The following ARID4B variants were observed in gnomAD, a reference collection of about 807,000 sequenced individuals.
ARID4B encodes AT-rich interaction domain 4B.
A neutral mutation model predicts 147.5 loss-of-function variants in ARID4B; 26 were observed. The ratio of observed to expected loss-of-function variants is 0.18; its 90% confidence interval spans 0.13 to 0.24. The LOEUF (loss-of-function observed/expected upper bound fraction) is 0.24. ARID4B is among the 10% of genes least tolerant of loss of function. ARID4B has a pLI of 1.00. For missense variants in ARID4B, 1,179 were observed against 1,511.5 expected (o/e 0.78, Z 3.65); for synonymous variants, 512 against 507.9 (o/e 1.01, Z -0.11).
chr1:235,274,683 T>G (rs1572132192), intron 2 of ARID4B, among the ~76,000 whole-genome samples: 1 of 152,144 alleles, frequency 6.6e-6, no homozygotes, highest in Non-Finnish European at 1.5e-5. Flanking sequence ...GAAGTCCAGT[T>G]TGATATACAC....
intron 4 of ARID4B, among the ~76,000 whole-genome samples, 194 bp from the exon 5 acceptor site, chr1:235,255,944 C>A (rs753551676): frequency 1.3e-5 from 2 of 151,966 alleles, no homozygotes; most frequent in African/African-American, 2.4e-5. Context: ...GGGGCTGAGG[C>A]AGGTGGATCA....
At chr1:235,316,691 C>T (rs1035813453) in intron 2 of ARID4B, among the ~76,000 whole-genome samples, 2 of 151,732 alleles carry the variant, frequency 1.3e-5, no homozygotes, top group African/African-American at 4.8e-5. Context: ...TGGTGGCAGG[C>T]GCCTGTAATC....
At chr1:235,235,243 A>G (rs185467244) in intron 8 of ARID4B, among the ~76,000 whole-genome samples, 1 of 152,240 alleles carries the variant, frequency 6.6e-6, no homozygotes, top group Admixed American at 6.5e-5. Context: ...GGAAGGGATA[A>G]TAAGAGGAGT....
At chr1:235,255,869 T>A (rs1669950370) in intron 4 of ARID4B, 119 bp from the exon 5 acceptor site, 1 of 651,754 alleles carries the variant, frequency 1.5e-6, no homozygotes, top group Admixed American at 3.3e-5. Context: ...ACTATTGACT[T>A]CATTTAAAAG....
rs534880226 is a variant in ARID4B, at chr1:235,261,963, C to G, written c.7-1211G>C. 2.0e-5 allele frequency among the ~76,000 whole-genome samples: 3 copies of G among 152,304 alleles called. No individual in the cohort carries two copies. The South Asian group carries it at 6.2e-4, about 32-fold the overall frequency. On this transcript the variant is annotated intron_variant, in intron 2 of 23. Transcript: ENST00000264183. ...TGAATGAATTACTTCTCTGCCTCAA[C>G]TTTGGAGATTCATAAATGTAAGCTA... is the stretch of plus-strand genomic sequence containing the variant.
chr1:235,278,472 C>T (rs1482480538), intron 2 of ARID4B, among the ~76,000 whole-genome samples: 1 of 152,094 alleles, frequency 6.6e-6, no homozygotes, highest in African/African-American at 2.4e-5. Context: ...AATAGTCTAG[C>T]ATTTCCCTTG....
At position 235,196,015 on chromosome 1, in the gene ARID4B, A is replaced by G; in HGVS notation, c.1926+16T>C. On this transcript the variant is annotated intron_variant, in intron 18 of 23. Transcript: ENST00000264183. ...TTTTTAAGAGCTAATAGTGTGTAGT[A>G]AAAACAAGCACTTACCTTTATTTTC... 1 of 1,534,676 alleles carries G rather than the reference A, an allele frequency of 6.5e-7. No individual in the cohort carries two copies. The highest frequency in any genetic ancestry group is 1.2e-5 in the South Asian group (1 of 85,430).
chr1:235,242,739 A>G (rs1399022592), intron 7 of ARID4B, among the ~76,000 whole-genome samples: 3 of 152,230 alleles, frequency 2.0e-5, no homozygotes, highest in African/African-American at 7.2e-5. Flanking sequence ...CAGTATATCA[A>G]AAAGAAAAAC....
intron 2 of ARID4B, among the ~76,000 whole-genome samples, chr1:235,304,614 T>C (rs1268824175): frequency 1.3e-5 from 2 of 152,094 alleles, no homozygotes; most frequent in African/African-American, 2.4e-5. Flanking sequence ...CATTGTGCTA[T>C]AAATCATCAC....
At chr1:235,184,423 G>T (rs1343143141) in intron 19 of ARID4B, among the ~76,000 whole-genome samples, 1 of 150,668 alleles carries the variant, frequency 6.6e-6, no homozygotes, top group Non-Finnish European at 1.5e-5. Flanking sequence ...CAAACAAAAA[G>T]CAACACAACA....
At chr1:235,255,903 G>T (rs1669952862) in intron 4 of ARID4B, among the ~76,000 whole-genome samples, 153 bp from the exon 5 acceptor site, 1 of 152,128 alleles carries the variant, frequency 6.6e-6, no homozygotes, top group South Asian at 2.1e-4. Context: ...CGTGAGCACA[G>T]TGGCTCACGC....
At chr1:235,173,890 A>G (rs958016218) in intron 22 of ARID4B, among the ~76,000 whole-genome samples, 4 of 146,536 alleles carry the variant, frequency 2.7e-5, no homozygotes, top group Non-Finnish European at 6.0e-5. Flanking sequence ...ACAAAAGTAT[A>G]GAGAGAAGGA....
chr1:235,299,300 G>A (rs536008237), intron 2 of ARID4B, among the ~76,000 whole-genome samples: 7 of 152,186 alleles, frequency 4.6e-5, no homozygotes, highest in South Asian at 4.2e-4. Context: ...TGCAACCTCC[G>A]CCTCCAGGGT....
At chr1:235,310,853 T>C (rs1008494234) in intron 2 of ARID4B, among the ~76,000 whole-genome samples, 26 of 152,102 alleles carry the variant, frequency 1.7e-4, no homozygotes, top group African/African-American at 6.0e-4. Flanking sequence ...AACTTTTTTG[T>C]AGAAGCAGGG....
At chr1:235,223,369 G>GTATATATA (rs201240296) in intron 12 of ARID4B, 109 bp from the exon 13 acceptor site, 2 of 166,124 alleles carry the variant, frequency 1.2e-5, no homozygotes, top group Admixed American at 1.3e-4. Context: ...ATATATACAC[G>GTATATATA]TATATATATA....
intron 2 of ARID4B, among the ~76,000 whole-genome samples, chr1:235,276,396 T>C (rs1044465083): frequency 3.9e-5 from 6 of 152,122 alleles, no homozygotes; most frequent in African/African-American, 1.4e-4. Context: ...ATTAAAAATA[T>C]ATTTACACTT....
At chr1:235,281,341 A>T (rs1194621935) in intron 2 of ARID4B, among the ~76,000 whole-genome samples, 1 of 152,160 alleles carries the variant, frequency 6.6e-6, no homozygotes, top group East Asian at 1.9e-4. Context: ...ACCTGAGGTA[A>T]GGAGTTCAAG....
chr1:235,236,833 A>AAAAAATATATATATATATAT (rs1175189621), intron 8 of ARID4B, among the ~76,000 whole-genome samples: 1 of 33,522 alleles, frequency 3.0e-5, no homozygotes. Flanking sequence ...TTTTATAAAA[A>AAAAAATATATATATATATAT]ATATATATAT....
In ARID4B at chr1:235,221,674, A is replaced by T; in HGVS notation, c.1066-12T>A. The T allele has an allele frequency of 1.3e-6, 2 of 1,493,756 alleles. No homozygotes were observed. Among genetic ancestry groups the T allele is most frequent in the Non-Finnish European group, 1.9e-6 (2 of 1,075,544 alleles). 92.5% of individuals were successfully genotyped at this position (1,493,756 alleles called of 1,614,324 possible). ...GCTCCACTTTCAATCTAATGGACAA[A>T]GTGAAACAAAAACTCTCAAATTAAA... On this transcript the variant is annotated splice_polypyrimidine_tract_variant and intron_variant, in intron 13 of 23. Transcript: ENST00000264183.
Sources: gnomAD v4.1 joint callset for allele counts (sites outside exome capture counted in the v4.1 genomes callset) on GRCh38, gnomAD v4.1.1 for gene constraint, MANE v1.5 for transcripts, NCBI Gene and HGNC (gene_info 2026-07-23, HGNC 2026-07-21) for gene names.